L3MBTL4: variants seen among roughly 807,000 people sequenced by gnomAD.
The protein encoded by L3MBTL4 is L3MBTL histone methyl-lysine binding protein 4, also known as lethal(3)malignant brain tumor-like protein 4.
A neutral mutation model predicts 84.5 loss-of-function variants in L3MBTL4; 70 were observed. The observed-to-expected ratio is 0.83, with a 90% CI of 0.68 to 1.01. The LOEUF (loss-of-function observed/expected upper bound fraction) is 1.01. L3MBTL4 is among the 50% of genes least tolerant of loss of function. The probability of loss-of-function intolerance (pLI) is 0.00; values close to 1 mark genes in which losing one functional copy is unlikely to be tolerated. For synonymous variants in L3MBTL4, 274 were observed against 259.8 expected, an observed-to-expected ratio of 1.05 and a Z score of -0.52; for missense variants, 715 against 754.8, an observed-to-expected ratio of 0.95 and a Z score of 0.62.
chr18:6,320,863 C>CA (rs2147054458), intron 1 of L3MBTL4, among the ~76,000 whole-genome samples: 1 of 152,142 alleles, frequency 6.6e-6, no homozygotes, highest in East Asian at 1.9e-4. Context: ...CTATAGTTAC[C>CA]ATAACAGCAT....
chr18:6,003,139 T>A (rs1175190017), intron 16 of L3MBTL4, among the ~76,000 whole-genome samples: 3 of 90,424 alleles, frequency 3.3e-5, no homozygotes, highest in African/African-American at 1.6e-4. Flanking sequence ...TATCTCTATT[T>A]ATAGAGATAC....
intron 1 of L3MBTL4, among the ~76,000 whole-genome samples, chr18:6,334,466 T>G (rs2052223678): frequency 6.6e-6 from 1 of 152,204 alleles, no homozygotes; most frequent in Admixed American, 6.5e-5. Flanking sequence ...AAAAAAAGTC[T>G]AGTTTATTAA....
intron 4 of L3MBTL4, among the ~76,000 whole-genome samples, chr18:6,300,052 A>G (rs892178385): frequency 2.8e-5 from 4 of 145,314 alleles, no homozygotes; most frequent in Non-Finnish European, 6.1e-5. Context: ...TTTGTTTAGT[A>G]TTTTTTTTGT....
chr18:6,308,126 C>T (rs976780461), intron 3 of L3MBTL4, among the ~76,000 whole-genome samples: 4 of 152,040 alleles, frequency 2.6e-5, no homozygotes, highest in African/African-American at 9.7e-5. Context: ...GTAAAGGGCA[C>T]CAAAAATGAC....
chr18:6,021,330 TC>T (rs2055244293), intron 16 of L3MBTL4, among the ~76,000 whole-genome samples: 1 of 152,208 alleles, frequency 6.6e-6, no homozygotes, highest in Admixed American at 6.5e-5. Flanking sequence ...AAACTTTTTT[TC>T]CCTTTTTCAG....
chr18:6,133,682 T>G (rs1247042351), intron 14 of L3MBTL4, among the ~76,000 whole-genome samples: 1 of 151,890 alleles, frequency 6.6e-6, no homozygotes, highest in Non-Finnish European at 1.5e-5. Context: ...AACCATCAGG[T>G]GATGGTCAGG....
chr18:6,060,361 A>T (rs2057167123), intron 16 of L3MBTL4, among the ~76,000 whole-genome samples: 1 of 151,502 alleles, frequency 6.6e-6, no homozygotes, highest in Non-Finnish European at 1.5e-5. Context: ...CTGCTGAGTC[A>T]TTATGAAGAT....
intron 1 of L3MBTL4, among the ~76,000 whole-genome samples, chr18:6,376,736 T>C (rs1188912359): frequency 1.3e-5 from 2 of 152,116 alleles, no homozygotes; most frequent in African/African-American, 4.8e-5. Context: ...AGACCTTGTC[T>C]CAAAAAACAA....
intron 16 of L3MBTL4, among the ~76,000 whole-genome samples, chr18:6,072,767 T>A (rs1378868431): frequency 2.1e-5 from 3 of 141,722 alleles, no homozygotes; most frequent in Admixed American, 7.0e-5. Context: ...GAAGCAGGAG[T>A]ATGGCATGAA....
intron 13 of L3MBTL4, among the ~76,000 whole-genome samples, chr18:6,148,247 C>CCACTTAAATACAA (rs1248574841): frequency 1.3e-5 from 2 of 152,178 alleles, no homozygotes; most frequent in Non-Finnish European, 2.9e-5. Flanking sequence ...TATACCACAA[C>CCACTTAAATACAA]CACTTAAATA....
intron 3 of L3MBTL4, among the ~76,000 whole-genome samples, chr18:6,306,848 G>C (rs892402364): frequency 2.6e-5 from 4 of 152,210 alleles, no homozygotes; most frequent in African/African-American, 9.6e-5. Context: ...CCAGTGAAGT[G>C]ACTTGTCTTT....
intron 16 of L3MBTL4, among the ~76,000 whole-genome samples, chr18:5,988,221 A>C (rs2053546097): frequency 6.6e-6 from 1 of 152,212 alleles, no homozygotes. Flanking sequence ...TACCCTCTAA[A>C]GTCATTCTTA....
intron 1 of L3MBTL4, among the ~76,000 whole-genome samples, chr18:6,391,397 G>A (rs2055044402): frequency 6.6e-6 from 1 of 152,044 alleles, no homozygotes; most frequent in Admixed American, 6.5e-5. Flanking sequence ...GAGAAAAGTT[G>A]AAAGCATTCC....
chr18:6,243,721 T>C (rs192569994), intron 6 of L3MBTL4, among the ~76,000 whole-genome samples: 133 of 152,356 alleles, frequency 8.7e-4, no homozygotes, highest in African/African-American at 3.1e-3. Flanking sequence ...GGTTTATTTA[T>C]TAATTCAATA....
At chr18:6,236,284 C>G (rs1455180167) in intron 10 of L3MBTL4, among the ~76,000 whole-genome samples, 1 of 152,212 alleles carries the variant, frequency 6.6e-6, no homozygotes, top group Admixed American at 6.5e-5. Context: ...TAAACTCACA[C>G]TCTATGAGCA....
intron 12 of L3MBTL4, among the ~76,000 whole-genome samples, chr18:6,182,173 CT>C (rs1599041069): frequency 6.6e-6 from 1 of 152,142 alleles, no homozygotes; most frequent in Non-Finnish European, 1.5e-5. Context: ...TATTTTTTGA[CT>C]TTTTAATAAT....
chr18:6,181,490 T>C (rs1049625417), intron 12 of L3MBTL4, among the ~76,000 whole-genome samples: 2 of 151,952 alleles, frequency 1.3e-5, no homozygotes, highest in South Asian at 2.1e-4. Flanking sequence ...CATGCCCAGC[T>C]AATTTTTCTT....
intron 18 of L3MBTL4, among the ~76,000 whole-genome samples, chr18:5,958,067 G>A (rs1224032083): frequency 3.5e-5 from 1 of 28,624 alleles, no homozygotes; most frequent in African/African-American, 4.2e-4. Context: ...AGAAGGAGAA[G>A]AAGAAGAAGA....
At chr18:6,214,471 G>A (rs564880065) in intron 11 of L3MBTL4, among the ~76,000 whole-genome samples, 1 of 152,302 alleles carries the variant, frequency 6.6e-6, no homozygotes, top group Non-Finnish European at 1.5e-5. Context: ...ACATAAAAGT[G>A]TTCAATTGGT....
Sources: gnomAD v4.1 joint callset for allele counts (sites outside exome capture counted in the v4.1 genomes callset) on GRCh38, gnomAD v4.1.1 for gene constraint, MANE v1.5 for transcripts, NCBI Gene and HGNC (gene_info 2026-07-23, HGNC 2026-07-21) for gene names.